Variants in AOAH observed in about 807,000 individuals in gnomAD.
The protein encoded by AOAH is acyloxyacyl hydrolase (neutrophil).
AOAH carries 64 observed loss-of-function variants against 92.2 expected under a neutral mutation model. That is an observed-to-expected ratio of 0.69 (90% CI 0.57 to 0.86). The LOEUF (loss-of-function observed/expected upper bound fraction) is 0.86, where lower values mean the gene tolerates loss of function less well. Among genes scored for constraint, AOAH ranks in the 40% least tolerant of loss-of-function variants. The probability of loss-of-function intolerance (pLI) is 0.00; values close to 1 mark genes in which losing one functional copy is unlikely to be tolerated. For missense variants in AOAH, 656 were observed against 694.6 expected (o/e 0.94, Z 0.62); for synonymous variants, 263 against 254.5 (o/e 1.03, Z -0.32).
intron 7 of AOAH, among the ~76,000 whole-genome samples, chr7:36,622,180 CGT>C (rs1228998135): frequency 3.3e-5 from 5 of 152,050 alleles, no homozygotes; most frequent in East Asian, 1.9e-4. Flanking sequence ...CATGTACACA[CGT>C]GTGTTTGTGT....
chr7:36,544,330 G>C (rs1192289493), intron 15 of AOAH, among the ~76,000 whole-genome samples: 1 of 152,048 alleles, frequency 6.6e-6, no homozygotes, highest in East Asian at 1.9e-4. Flanking sequence ...TAGTATTCTG[G>C]AGACCAAAGA....
chr7:36,615,898 A>C (rs1791839634), intron 11 of AOAH, among the ~76,000 whole-genome samples: 1 of 149,048 alleles, frequency 6.7e-6, no homozygotes, highest in African/African-American at 2.6e-5. Context: ...TTTTTTATTA[A>C]AAAACCCTCC....
chr7:36,702,680 T>G (rs563275505), intron 1 of AOAH, among the ~76,000 whole-genome samples: 1 of 152,322 alleles, frequency 6.6e-6, no homozygotes, highest in South Asian at 2.1e-4. Context: ...TAAAACTTGC[T>G]AGAGATCATC....
At chr7:36,675,171 G>A (rs544045789) in intron 2 of AOAH, among the ~76,000 whole-genome samples, 14 of 152,274 alleles carry the variant, frequency 9.2e-5, no homozygotes, top group African/African-American at 2.2e-4. Flanking sequence ...CAGGAGAATC[G>A]CTTGAACCCG....
Position 36,715,574 on chromosome 7 carries a change from A to T in AOAH, c.127+8448T>A, listed in dbSNP as rs1449691774. On this transcript the variant is annotated intron_variant, in intron 1 of 20. Transcript: ENST00000617537. ...GCATCACGCTGCCTGACTTCAAACT[A>T]TACTACAAGGCTACAGTAACCAAAA... Among the ~76,000 whole-genome samples, 465 of 151,254 alleles carry T rather than the reference A, an allele frequency of 3.1e-3. 3 individuals carry two copies. The highest frequency in any genetic ancestry group is 2.3e-3 in the Non-Finnish European group (155 of 67,866).
Position 36,540,378 on chromosome 7 carries a change from T to C in AOAH, c.1247A>G (p.Tyr416Cys), listed in dbSNP as rs1378394084. 6.2e-7 allele frequency: 1 copy of C among 1,614,110 alleles called. No homozygotes were observed. Among genetic ancestry groups the C allele is most frequent in the Non-Finnish European group, 8.5e-7 (1 of 1,179,966 alleles). ...HLPNGSHVIL[Y>C]GLPDGTFLWD... The stretch of plus-strand genomic sequence containing the variant: ...GAGAAAGGTTCCATCTGGTAAGCCA[T>C]ACAAAATAACATGGCTGCCATTGGG... Residue 416 changes from tyrosine (Y) to cysteine (C), a missense_variant, in exon 16 of 21, where the codon TAT becomes TGT. By Grantham distance (194) the Tyr-to-Cys change is radical (BLOSUM62 -2). Transcript: ENST00000617537.
At chr7:36,685,951 T>C (rs1164275332) in intron 2 of AOAH, among the ~76,000 whole-genome samples, 2 of 152,116 alleles carry the variant, frequency 1.3e-5, no homozygotes. Flanking sequence ...AAAGATACAA[T>C]TGCCATTATT....
In AOAH at chr7:36,535,290, C is replaced by T. The variant is rs147975048; in HGVS notation, c.1307-2946G>A. The stretch of plus-strand genomic sequence containing the variant: ...CCCTAGCTGGCTTAGTGACGGTTTG[C>T]GTCTTCATAATCTGTAACTTCTTTA... On this transcript the variant is annotated intron_variant, in intron 16 of 20. Coordinates refer to ENST00000617537, the MANE Select transcript of AOAH (RefSeq NM_001637.4). 8.5e-5 allele frequency among the ~76,000 whole-genome samples: 13 copies of T among 152,158 alleles called. No homozygotes were observed. The East Asian group carries it at 2.5e-3, about 29-fold the overall frequency.
At chr7:36,589,647 A>T (rs1789606746) in intron 12 of AOAH, among the ~76,000 whole-genome samples, 1 of 152,236 alleles carries the variant, frequency 6.6e-6, no homozygotes, top group Non-Finnish European at 1.5e-5. Context: ...TTGAGCACAT[A>T]AATGAGGTTG....
At chr7:36,517,172 T>TTCTTTCTC (rs1783781820) in intron 20 of AOAH, among the ~76,000 whole-genome samples, 1 of 117,112 alleles carries the variant, frequency 8.5e-6, no homozygotes, top group African/African-American at 3.7e-5. Flanking sequence ...CTTTCTTTCT[T>TTCTTTCTC]TCTTTCTTTC....
At chr7:36,600,778 G>A (rs1790511100) in intron 11 of AOAH, among the ~76,000 whole-genome samples, 1 of 152,120 alleles carries the variant, frequency 6.6e-6, no homozygotes, top group Non-Finnish European at 1.5e-5. Flanking sequence ...CCTTGAACGT[G>A]AGGCTTCCTG....
intron 16 of AOAH, among the ~76,000 whole-genome samples, chr7:36,535,153 T>C (rs1370600802): frequency 6.6e-6 from 1 of 151,882 alleles, no homozygotes; most frequent in Non-Finnish European, 1.5e-5. Context: ...CCTGTGTCCG[T>C]GTCTGTGTGT....
At chr7:36,670,259 C>T (rs1228318306) in intron 3 of AOAH, among the ~76,000 whole-genome samples, 1 of 152,158 alleles carries the variant, frequency 6.6e-6, no homozygotes, top group Non-Finnish European at 1.5e-5. Context: ...CATTTTCAGG[C>T]TCTCCATCAA....
At chr7:36,566,897 G>A (rs1787753457) in intron 13 of AOAH, among the ~76,000 whole-genome samples, 1 of 152,084 alleles carries the variant, frequency 6.6e-6, no homozygotes, top group South Asian at 2.1e-4. Context: ...TGCAACTTCT[G>A]CCTCCCGGGT....
chr7:36,565,838 G>A (rs1405860926), intron 13 of AOAH, among the ~76,000 whole-genome samples: 1 of 152,080 alleles, frequency 6.6e-6, no homozygotes, highest in Admixed American at 6.5e-5. Context: ...ACCGTGCCTG[G>A]CCAAATGTGA....
At chr7:36,683,437 G>A (rs1232833593) in intron 2 of AOAH, among the ~76,000 whole-genome samples, 1 of 152,164 alleles carries the variant, frequency 6.6e-6, no homozygotes, top group Non-Finnish European at 1.5e-5. Context: ...GTGGCTATAT[G>A]CTCAGATAAG....
At chr7:36,616,011 C>T (rs752458960) in intron 11 of AOAH, among the ~76,000 whole-genome samples, 2 of 152,188 alleles carry the variant, frequency 1.3e-5, no homozygotes, top group East Asian at 3.9e-4. Flanking sequence ...GCAGCCTGCT[C>T]TGCCCAGAGC....
intron 3 of AOAH, among the ~76,000 whole-genome samples, chr7:36,659,544 T>C (rs908150753): frequency 1.1e-4 from 17 of 152,254 alleles, no homozygotes; most frequent in African/African-American, 3.9e-4. Flanking sequence ...GGGATTCTTT[T>C]CAGGCAAAGC....
At chr7:36,660,554 T>A (rs548018717) in intron 3 of AOAH, among the ~76,000 whole-genome samples, 2 of 152,190 alleles carry the variant, frequency 1.3e-5, no homozygotes, top group African/African-American at 4.8e-5. Flanking sequence ...TGACCTCAGA[T>A]GATACACCCA....
Sources: gnomAD v4.1 joint callset for allele counts (sites outside exome capture counted in the v4.1 genomes callset) on GRCh38, gnomAD v4.1.1 for gene constraint, MANE v1.5 for transcripts, NCBI Gene and HGNC (gene_info 2026-07-23, HGNC 2026-07-21) for gene names.